Variants in EPB41L4B observed in about 807,000 individuals in gnomAD.
EPB41L4B encodes band 4.1-like protein 4B.
Under a neutral mutation model 112.5 loss-of-function variants are expected in EPB41L4B, and 30 were observed. The ratio of observed to expected loss-of-function variants is 0.27; its 90% confidence interval spans 0.20 to 0.36. The LOEUF (loss-of-function observed/expected upper bound fraction) is 0.36. EPB41L4B is among the 10% of genes least tolerant of loss of function. The pLI is 1.00. For missense variants in EPB41L4B, 1,024 were observed against 1,133.3 expected (o/e 0.90, Z 1.38); for synonymous variants, 408 against 439.7 (o/e 0.93, Z 0.90).
In EPB41L4B at chr9:109,203,694, T is replaced by C. The variant is rs781773005; in HGVS notation, c.1915A>G (p.Lys639Glu). Residue 639 changes from lysine (K) to glutamate (E), a missense_variant, in exon 19 of 26, where the codon AAG becomes GAG. Coordinates refer to ENST00000374566, the MANE Select transcript of EPB41L4B (RefSeq NM_019114.5). ...CTAGCGTCCTGAAGACTGGATTTCTTATTGATATTTACAAACGGTGATTCC... is the reference window on the plus strand; with the variant it reads ...CTAGCGTCCTGAAGACTGGATTTCTCATTGATATTTACAAACGGTGATTCC... ...KEESPFVNIN[K>E]KSSLQDASVR... is the part of the protein sequence containing the mutation. The C allele has an allele frequency of 6.2e-7, 1 of 1,614,098 alleles. No homozygotes were observed. The highest frequency in any genetic ancestry group is 8.5e-7 in the Non-Finnish European group (1 of 1,179,952).
rs775449668 is a variant in EPB41L4B at position 109,241,846 on chromosome 9, T to C, written c.1409+1772A>G. ...GCAGAGCGAATGGTTAGTGGGAGAA[T>C]GGAAGAAAATGCAGAAATGTAAGTG... On this transcript the variant is annotated intron_variant, in intron 15 of 25. Coordinates refer to ENST00000374566, the MANE Select transcript of EPB41L4B (RefSeq NM_019114.5). 8 of 1,606,312 alleles carry C rather than the reference T, an allele frequency of 5.0e-6. No individual in the cohort carries two copies. In the Admixed American group the frequency reaches 8.3e-5, roughly 17 times the overall value.
chr9:109,259,221 GC>G (rs1485689606), intron 6 of EPB41L4B, among the ~76,000 whole-genome samples: 1 of 152,296 alleles, frequency 6.6e-6, no homozygotes, highest in South Asian at 2.1e-4. Flanking sequence ...TTAACAAGAT[GC>G]CCAGGTCACA....
intron 25 of EPB41L4B, among the ~76,000 whole-genome samples, chr9:109,176,216 C>T (rs1831835515): frequency 2.6e-5 from 4 of 152,196 alleles, no homozygotes; most frequent in African/African-American, 9.6e-5. Flanking sequence ...AAACCTCCAC[C>T]TACTGGGTTC....
chr9:109,245,686 A>G (rs1484319701), intron 14 of EPB41L4B, among the ~76,000 whole-genome samples: 3 of 152,192 alleles, frequency 2.0e-5, no homozygotes, highest in Non-Finnish European at 4.4e-5. Flanking sequence ...GAAATAAGAT[A>G]AATGCTGCAA....
intron 1 of EPB41L4B, among the ~76,000 whole-genome samples, chr9:109,288,000 C>G (rs559873972): frequency 4.6e-5 from 7 of 152,368 alleles, no homozygotes; most frequent in African/African-American, 1.7e-4. Flanking sequence ...CAGCAACAGG[C>G]CCCTAAGTGG....
chr9:109,225,244 T>C (rs1017504525), intron 15 of EPB41L4B, among the ~76,000 whole-genome samples: 51 of 152,256 alleles, frequency 3.3e-4, no homozygotes, highest in African/African-American at 1.1e-3. Flanking sequence ...ATTTGGTACA[T>C]ATTTGAAGGC....
At chr9:109,319,645 G>A (rs1013543008) in intron 1 of EPB41L4B, among the ~76,000 whole-genome samples, 1 of 152,244 alleles carries the variant, frequency 6.6e-6, no homozygotes, top group African/African-American at 2.4e-5. Context: ...CAGCAAGCGA[G>A]GGGATCTCCT....
chr9:109,183,411 T>C (rs1002712610), intron 23 of EPB41L4B, among the ~76,000 whole-genome samples: 2 of 152,164 alleles, frequency 1.3e-5, no homozygotes, highest in Non-Finnish European at 1.5e-5. Flanking sequence ...TGGGAACAGA[T>C]GGCTTGATGC....
intron 15 of EPB41L4B, among the ~76,000 whole-genome samples, chr9:109,227,028 C>G (rs1247478704): frequency 1.3e-5 from 2 of 151,482 alleles, no homozygotes; most frequent in African/African-American, 4.8e-5. Flanking sequence ...TTTATAGAGA[C>G]AGGGTCTCAT....
chr9:109,320,528 T>A lies in EPB41L4B; in HGVS notation c.-82A>T. On this transcript the variant is annotated 5_prime_UTR_variant, in exon 1 of 26. Coordinates refer to ENST00000374566, the MANE Select transcript of EPB41L4B (RefSeq NM_019114.5). ...GCCGCTGCGCCGCCGCCCGGGAGCG[T>A]CCCGCGACGCCGTCAGTGCCCTCGG... 1 of 810,442 alleles carries A rather than the reference T, an allele frequency of 1.2e-6. No individual in the cohort carries two copies. The highest frequency in any genetic ancestry group is 1.5e-6 in the Non-Finnish European group (1 of 675,960). The allele number at this position is 810,442 out of a possible 1,614,324, so 50.2% of individuals were successfully genotyped here.
intron 25 of EPB41L4B, among the ~76,000 whole-genome samples, chr9:109,175,696 A>T (rs1370355066): frequency 1.3e-5 from 2 of 152,134 alleles, no homozygotes; most frequent in African/African-American, 4.8e-5. Flanking sequence ...AAAGGCACTA[A>T]CCAAGTTTAA....
At chr9:109,250,983 C>G (rs1300436205) in intron 13 of EPB41L4B, among the ~76,000 whole-genome samples, 2 of 152,220 alleles carry the variant, frequency 1.3e-5, no homozygotes, top group Non-Finnish European at 2.9e-5. Context: ...TGGCCCTTTA[C>G]AGAAAATGTT....
intron 15 of EPB41L4B, among the ~76,000 whole-genome samples, chr9:109,230,464 C>T (rs1833915645): frequency 1.3e-5 from 2 of 152,284 alleles, no homozygotes; most frequent in African/African-American, 4.8e-5. Context: ...ATTAAGCATT[C>T]GTATGCCAGG....
intron 7 of EPB41L4B, 22 bp downstream of exon 7, chr9:109,258,155 C>CT (rs775678764): frequency 6.2e-7 from 1 of 1,606,202 alleles, no homozygotes; most frequent in Non-Finnish European, 8.5e-7. Flanking sequence ...CATCAGAATG[C>CT]TAGACGGTTG....
chr9:109,197,434 A>C (rs1564258756), intron 20 of EPB41L4B, among the ~76,000 whole-genome samples: 1 of 151,556 alleles, frequency 6.6e-6, no homozygotes, highest in Non-Finnish European at 1.5e-5. Context: ...AAAAAATAAA[A>C]TAATAATAAT....
At chr9:109,194,549 C>A in intron 20 of EPB41L4B, 152 bp from the exon 21 acceptor site, 2 of 790,194 alleles carry the variant, frequency 2.5e-6, no homozygotes, top group East Asian at 2.8e-5. Context: ...TTGCAGGATC[C>A]AATACTCTGA....
Position 109,309,988 on chromosome 9 carries a change from C to T in EPB41L4B, c.306+10153G>A, listed in dbSNP as rs116134803. The stretch of plus-strand genomic sequence containing the variant: ...AATTTTGTATGATTATAAAGGGCCC[C>T]GCCCACTCTTCCTCCCAGGTACACA... On this transcript the variant is annotated intron_variant, in intron 1 of 25. Coordinates refer to ENST00000374566, the MANE Select transcript of EPB41L4B (RefSeq NM_019114.5). Among the ~76,000 whole-genome samples the T allele has an allele frequency of 6.9e-3, 1,043 of 152,210 alleles. 6 individuals are homozygous for T. The highest frequency in any genetic ancestry group is 0.024 in the African/African-American group (986 of 41,520).
chr9:109,240,272 C>T (rs182088050), intron 15 of EPB41L4B: 609 of 985,354 alleles, frequency 6.2e-4, no homozygotes, highest in East Asian at 1.4e-3. Flanking sequence ...AGCATCAGAA[C>T]GTCTGCTAAA....
chr9:109,298,923 C>A (rs1836847378), intron 1 of EPB41L4B, among the ~76,000 whole-genome samples: 1 of 152,142 alleles, frequency 6.6e-6, no homozygotes, highest in Non-Finnish European at 1.5e-5. Flanking sequence ...AAGAGTACCA[C>A]CAGACCAGGC....
Sources: allele counts gnomAD v4.1 joint callset (sites outside exome capture counted in the v4.1 genomes callset), GRCh38; gene constraint gnomAD v4.1.1; transcripts MANE v1.5; gene names NCBI Gene and HGNC (gene_info 2026-07-23, HGNC 2026-07-21).